The following ZDHHC14 variants were observed in gnomAD, a reference collection of about 807,000 sequenced individuals.
ZDHHC14 encodes the protein zDHHC palmitoyltransferase 14.
In ZDHHC14, 16 loss-of-function variants were observed where a neutral mutation model predicts 47.7. The ratio of observed to expected loss-of-function variants is 0.34; its 90% CI spans 0.23 to 0.51. The LOEUF (loss-of-function observed/expected upper bound fraction) is 0.51, where lower values mean the gene tolerates loss of function less well. Among genes scored for constraint, ZDHHC14 ranks in the 20% least tolerant of loss-of-function variants. ZDHHC14 has a pLI of 0.97. For missense variants in ZDHHC14, 515 were observed against 662.5 expected (o/e 0.78, Z 2.44); for synonymous variants, 293 against 278.9 (o/e 1.05, Z -0.50).
At chr6:157,547,490 T>C (rs1259186205) in intron 2 of ZDHHC14, among the ~76,000 whole-genome samples, 1 of 151,724 alleles carries the variant, frequency 6.6e-6, no homozygotes, top group African/African-American at 2.4e-5. Context: ...CAGGAAGTTT[T>C]GACCCACTGA....
chr6:157,647,961 G>A (rs1438700885), intron 7 of ZDHHC14, among the ~76,000 whole-genome samples: 2 of 152,138 alleles, frequency 1.3e-5, no homozygotes, highest in African/African-American at 2.4e-5. Context: ...GGTAGGCACC[G>A]TTATATCCCA....
chr6:157,550,086 C>A (rs1782159073), intron 2 of ZDHHC14, among the ~76,000 whole-genome samples: 1 of 152,154 alleles, frequency 6.6e-6, no homozygotes. Context: ...CATTTTCCTC[C>A]TTACAGGAAG....
intron 1 of ZDHHC14, among the ~76,000 whole-genome samples, chr6:157,505,983 C>A (rs1780317596): frequency 6.6e-6 from 1 of 152,192 alleles, no homozygotes; most frequent in South Asian, 2.1e-4. Context: ...AGCAGATGAG[C>A]TCTAGTGTAG....
At chr6:157,604,611 G>A (rs1380013479) in intron 3 of ZDHHC14, among the ~76,000 whole-genome samples, 3 of 136,134 alleles carry the variant, frequency 2.2e-5, no homozygotes, top group Non-Finnish European at 4.7e-5. Context: ...GCAGTGGCAC[G>A]ATCTCGGCTG....
rs568739834 is a variant in ZDHHC14 at position 157,409,152 on chromosome 6, T to G, written c.245+26886T>G. ...GGAAATGAGTCTGTCTTGTACTTCATGTGCCTCTCAAAATCTTCTGTTGCT... is the reference window on the plus strand; with the variant it reads ...GGAAATGAGTCTGTCTTGTACTTCAGGTGCCTCTCAAAATCTTCTGTTGCT... On this transcript the variant is annotated intron_variant, in intron 1 of 8. Transcript: ENST00000359775. Among the ~76,000 whole-genome samples, 14 of 152,368 alleles carry G rather than the reference T, an allele frequency of 9.2e-5. No homozygotes were observed. The South Asian group carries it at 1.0e-3, about 11-fold the overall frequency.
At chr6:157,663,654 T>G (rs141141094) in intron 8 of ZDHHC14, among the ~76,000 whole-genome samples, 2,966 of 152,284 alleles carry the variant, frequency 0.019, 48 homozygotes, top group Non-Finnish European at 0.03. Context: ...CTTCTGTGGT[T>G]TAGGGACCGT....
intron 2 of ZDHHC14, among the ~76,000 whole-genome samples, chr6:157,588,542 A>G (rs71563714): frequency 0.67 from 102,077 of 151,976 alleles, 34,762 homozygotes; most frequent in African/African-American, 0.79. Context: ...CATGCGAATC[A>G]TGGGTACTGT....
At chr6:157,622,187 A>G (rs1785217886) in intron 3 of ZDHHC14, among the ~76,000 whole-genome samples, 1 of 146,792 alleles carries the variant, frequency 6.8e-6, no homozygotes, top group Non-Finnish European at 1.5e-5. Flanking sequence ...CCTGACCAAC[A>G]TGGCAAAATC....
At chr6:157,563,961 T>G (rs936568358) in intron 2 of ZDHHC14, among the ~76,000 whole-genome samples, 3 of 152,240 alleles carry the variant, frequency 2.0e-5, no homozygotes, top group Non-Finnish European at 4.4e-5. Context: ...GGAACCCCTG[T>G]CTGCAGACCA....
intron 1 of ZDHHC14, among the ~76,000 whole-genome samples, chr6:157,522,022 T>C (rs1460369369): frequency 3.5e-5 from 1 of 28,858 alleles, no homozygotes; most frequent in Admixed American, 3.8e-4. Flanking sequence ...ACAAGTTGCA[T>C]TTTTTTTTTA....
chr6:157,558,930 G>C (rs1368067114), intron 2 of ZDHHC14, among the ~76,000 whole-genome samples: 1 of 151,740 alleles, frequency 6.6e-6, no homozygotes. Context: ...ACCTCGGAGG[G>C]TGGATTTCCC....
Position 157,643,650 on chromosome 6 carries a change from A to AATATATATATATATATATATATATAT in ZDHHC14, c.753-2086_753-2061dup, listed in dbSNP as rs3056787. 2.8e-3 allele frequency among the ~76,000 whole-genome samples: 202 copies of AATATATATATATATATATATATATAT among 72,392 alleles called. 4 individuals are homozygous for AATATATATATATATATATATATATAT. Among genetic ancestry groups the AATATATATATATATATATATATATAT allele is most frequent in the Non-Finnish European group, 3.6e-3 (120 of 33,436 alleles). 47.5% of individuals were successfully genotyped at this position (72,392 alleles called of 152,430 possible). A position where few individuals can be genotyped will look rare whatever the true frequency, so the allele number is the denominator to read the frequency against. ...GCAACAAAAGCAAAACTTCATCTCAAATATATATATATATATATATATATA... is the reference window on the plus strand; with the variant it reads ...GCAACAAAAGCAAAACTTCATCTCAAATATATATATATATATATATATATATATATATATATATATATATATATATA... On this transcript the variant is annotated intron_variant, in intron 5 of 8. Coordinates refer to ENST00000359775, the MANE Select transcript of ZDHHC14 (RefSeq NM_024630.3).
chr6:157,630,019 G>T (rs1445729955), intron 4 of ZDHHC14: 1 of 152,182 alleles, frequency 6.6e-6, no homozygotes, highest in South Asian at 2.1e-4. Flanking sequence ...ATGGAGTGTC[G>T]CTCTGTTGCC....
chr6:157,579,190 G>GTTTTTTTTT lies in ZDHHC14; in HGVS notation c.407-13780_407-13772dup, dbSNP rs1187065924. Among the ~76,000 whole-genome samples the GTTTTTTTTT allele has an allele frequency of 1.4e-4, 9 of 63,966 alleles. 1 individual carries two copies. The highest frequency in any genetic ancestry group is 5.6e-4 in the East Asian group (1 of 1,792). The allele number at this position is 63,966 out of a possible 152,430, so 42.0% of individuals were successfully genotyped here. The stretch of plus-strand genomic sequence containing the variant: ...GCCATTTTAATGATATTGATTCTGT[G>GTTTTTTTTT]TTTTTTTTTTTTTTTTTTTTTTTTT... On this transcript the variant is annotated intron_variant, in intron 2 of 8. Coordinates refer to ENST00000359775, the MANE Select transcript of ZDHHC14 (RefSeq NM_024630.3).
chr6:157,579,994 G>T (rs1421720500), intron 2 of ZDHHC14, among the ~76,000 whole-genome samples: 1 of 152,170 alleles, frequency 6.6e-6, no homozygotes, highest in Admixed American at 6.5e-5. Flanking sequence ...TCTAGCTTTT[G>T]CCCATTCAGT....
At chr6:157,659,689 C>T (rs1475272496) in intron 8 of ZDHHC14, among the ~76,000 whole-genome samples, 2 of 152,234 alleles carry the variant, frequency 1.3e-5, no homozygotes, top group Non-Finnish European at 2.9e-5. Context: ...AGGGCACCCA[C>T]CCTCTGCGCC....
At chr6:157,592,688 G>A (rs911827891) in intron 2 of ZDHHC14, 2 of 1,078,696 alleles carry the variant, frequency 1.9e-6, no homozygotes, top group East Asian at 5.5e-5. Context: ...TACAGGGAGG[G>A]GAGGGGGAAG....
chr6:157,474,723 G>A (rs145327192), intron 1 of ZDHHC14, among the ~76,000 whole-genome samples: 244 of 152,242 alleles, frequency 1.6e-3, no homozygotes, highest in Middle Eastern at 3.4e-3. Context: ...TTTGAGAAAT[G>A]TCTATTCTCA....
intron 2 of ZDHHC14, among the ~76,000 whole-genome samples, chr6:157,579,079 T>C (rs770996918): frequency 1.3e-5 from 2 of 152,084 alleles, no homozygotes; most frequent in Non-Finnish European, 2.9e-5. Flanking sequence ...ATATGAATTT[T>C]AAAATAGTTT....
Sources: allele counts gnomAD v4.1 joint callset (sites outside exome capture counted in the v4.1 genomes callset), GRCh38; gene constraint gnomAD v4.1.1; transcripts MANE v1.5; gene names NCBI Gene and HGNC (gene_info 2026-07-23, HGNC 2026-07-21).